The following DYNC1LI2 variants were observed in gnomAD, a reference collection of about 807,000 sequenced individuals.
DYNC1LI2 encodes the protein cytoplasmic dynein 1 light intermediate chain 2.
In DYNC1LI2, 19 loss-of-function variants were observed where a neutral mutation model predicts 57.8. The ratio of observed to expected loss-of-function variants is 0.33; its 90% CI spans 0.23 to 0.48. DYNC1LI2 has a LOEUF of 0.48. Ranked by LOEUF, DYNC1LI2 falls within the 20% of genes least tolerant of loss-of-function variation. DYNC1LI2 has a pLI of 0.99. For missense variants in DYNC1LI2, 470 were observed against 604.2 expected (o/e 0.78, Z 2.33); for synonymous variants, 256 against 233.4 (o/e 1.10, Z -0.88).
At chr16:66,727,254 G>A (rs999007683) in intron 11 of DYNC1LI2, among the ~76,000 whole-genome samples, 1 of 152,152 alleles carries the variant, frequency 6.6e-6, no homozygotes, top group Non-Finnish European at 1.5e-5. Context: ...GGGCATGGTG[G>A]CACACGCCTA....
intron 4 of DYNC1LI2, among the ~76,000 whole-genome samples, chr16:66,738,036 A>G (rs535835023): frequency 3.3e-5 from 5 of 152,296 alleles, no homozygotes; most frequent in African/African-American, 1.2e-4. Context: ...GACCTAGAGA[A>G]AGGTCCTACC....
chr16:66,734,288 C>T lies in DYNC1LI2; in HGVS notation c.723G>A (p.Glu241=), dbSNP rs2017691551. The T allele has an allele frequency of 6.2e-7, 1 of 1,614,180 alleles. No individual in the cohort carries two copies. The highest frequency in any genetic ancestry group is 1.7e-4 in the Middle Eastern group (1 of 6,060). Residue 241 remains glutamate, a synonymous_variant, in exon 6 of 13, where the codon GAG becomes GAA. Transcript: ENST00000258198. ...CTKCDAVSVL[E]KEHDYRDEHL... ...GCTCATCCCTGTAATCGTGCTCCTT[C>T]TCCAGGACACTCACCGCATCACACT...
Position 66,722,147 on chromosome 16 carries a change from G to A in DYNC1LI2, c.*1575C>T, listed in dbSNP as rs535430594. ...TCCTTAACAGTGTTCAGACCTTTAC[G>A]AAAGCAATTCAAGAAAGTCTTCAAA... On this transcript the variant is annotated 3_prime_UTR_variant, in exon 13 of 13. Coordinates refer to ENST00000258198, the MANE Select transcript of DYNC1LI2 (RefSeq NM_006141.3). The A allele has an allele frequency of 1.3e-5, 2 of 152,568 alleles. No homozygotes were observed. Among genetic ancestry groups the A allele is most frequent in the African/African-American group, 4.8e-5 (2 of 41,424 alleles). The allele number at this position is 152,568 out of a possible 1,614,324, so 9.5% of individuals were successfully genotyped here.
At chr16:66,726,963 C>G (rs1027360790) in intron 11 of DYNC1LI2, among the ~76,000 whole-genome samples, 8 of 151,940 alleles carry the variant, frequency 5.3e-5, no homozygotes, top group Non-Finnish European at 1.2e-4. Context: ...GTCACCCTGG[C>G]TGGAGCATGG....
intron 7 of DYNC1LI2, 128 bp from the exon 8 acceptor site, chr16:66,730,351 TTG>T (rs1301732466): frequency 6.0e-5 from 46 of 769,836 alleles, no homozygotes; most frequent in Non-Finnish European, 1.2e-5. Flanking sequence ...TGGGGGTTGT[TTG>T]TAGCTTTTGG....
rs1268799139 is a variant in DYNC1LI2 at position 66,721,264 on chromosome 16, C to T, written c.*2458G>A. ...AACAATCTAGCAGCATTATCTGTTG[C>T]ATTTTTAGGAAAGACCAATTCTTGG... On this transcript the variant is annotated 3_prime_UTR_variant, in exon 13 of 13. Transcript: ENST00000258198. 1 of 152,294 alleles carries T rather than the reference C, an allele frequency of 6.6e-6. No individual in the cohort carries two copies. The highest frequency in any genetic ancestry group is 1.9e-4 in the East Asian group (1 of 5,198). The allele number at this position is 152,294 out of a possible 1,614,324, so 9.4% of individuals were successfully genotyped here. A position where few individuals can be genotyped will look rare whatever the true frequency, so the allele number is the denominator to read the frequency against.
chr16:66,745,315 T>C (rs1431778155), intron 3 of DYNC1LI2, among the ~76,000 whole-genome samples: 1 of 152,110 alleles, frequency 6.6e-6, no homozygotes, highest in Non-Finnish European at 1.5e-5. Flanking sequence ...TGGAGTGTAG[T>C]GGTGTGGTGT....
chr16:66,732,271 G>C (rs1183984011), intron 7 of DYNC1LI2, 68 bp downstream of exon 7: 7 of 1,570,146 alleles, frequency 4.5e-6, no homozygotes, highest in South Asian at 2.4e-5. Flanking sequence ...TCCTTGAAGG[G>C]GTAAAATGTA....
In DYNC1LI2 at chr16:66,751,505, C is replaced by A; in HGVS notation, c.87G>T (p.Glu29Asp). ...CTCACCATAGGCTCTGGCCTTCCTC[C>A]TCCTCACTGGTCAGGTCGCCGGCGG... ...VAAAGDLTSE[E>D]EEGQSLWSSI... The change falls in exon 1 of 13, where the codon GAG becomes GAT. Residue 29 changes from glutamate (E) to aspartate (D), a missense_variant. By Grantham distance (45) the Glu-to-Asp change is conservative (BLOSUM62 2). Coordinates refer to ENST00000258198, the MANE Select transcript of DYNC1LI2 (RefSeq NM_006141.3). The surrounding 1 kb of genome is among the most constrained non-coding windows in gnomAD (Gnocchi z 5.2). 3.1e-6 allele frequency: 5 copies of A among 1,589,862 alleles called. No individual in the cohort carries two copies. The highest frequency in any genetic ancestry group is 4.3e-6 in the Non-Finnish European group (5 of 1,170,646).
chr16:66,751,313 G>A lies in DYNC1LI2; in HGVS notation c.141C>T (p.Ala47=), dbSNP rs1163176582. Residue 47 remains alanine (A), a synonymous_variant, in exon 2 of 13, where the codon GCC becomes GCT. Coordinates refer to ENST00000258198, the MANE Select transcript of DYNC1LI2 (RefSeq NM_006141.3). The surrounding 1 kb of genome is among the most constrained non-coding windows in gnomAD (Gnocchi z 5.2). ...SSILSEVSTR[A]RSKLPSGKNI... ...TCTTGCCGGACGGCAGCTTGGACCT[G>A]GCGCGGGTGGACACTTCGCTCAGAA... 6.2e-7 allele frequency: 1 copy of A among 1,612,358 alleles called. No homozygotes were observed. Among genetic ancestry groups the A allele is most frequent in the Admixed American group, 1.7e-5 (1 of 59,966 alleles).
intron 4 of DYNC1LI2, among the ~76,000 whole-genome samples, chr16:66,741,533 G>A (rs532735599): frequency 2.6e-5 from 4 of 152,306 alleles, no homozygotes; most frequent in South Asian, 2.1e-4. Flanking sequence ...TTTAAAAAGC[G>A]CATCAAAATT....
intron 4 of DYNC1LI2, among the ~76,000 whole-genome samples, chr16:66,737,394 C>T (rs980981858): frequency 6.7e-6 from 1 of 149,948 alleles, no homozygotes; most frequent in Admixed American, 6.7e-5. Flanking sequence ...TGTGGCAGCA[C>T]GTGCCTGTAA....
At chr16:66,723,888 G>T in intron 12 of DYNC1LI2, 66 bp from the exon 13 acceptor site, 1 of 1,384,032 alleles carries the variant, frequency 7.2e-7, no homozygotes. Context: ...TTTTTTTAAA[G>T]GAGCATTTAA....
At chr16:66,737,676 T>G (rs1036934591) in intron 4 of DYNC1LI2, among the ~76,000 whole-genome samples, 2 of 152,200 alleles carry the variant, frequency 1.3e-5, no homozygotes, top group African/African-American at 2.4e-5. Flanking sequence ...AAGTCACTTG[T>G]GCAGTGTTCA....
chr16:66,723,870 G>C, intron 12 of DYNC1LI2, 48 bp from the exon 13 acceptor site: 1 of 1,514,192 alleles, frequency 6.6e-7, no homozygotes. Context: ...GTGAGAAGAG[G>C]AAACAATTTT....
Position 66,742,673 on chromosome 16 carries a change from G to T in DYNC1LI2, c.299-5C>A. 1 of 1,613,274 alleles carries T rather than the reference G, an allele frequency of 6.2e-7. No individual in the cohort carries two copies. The highest frequency in any genetic ancestry group is 8.5e-7 in the Non-Finnish European group (1 of 1,179,510). ...ACACGTTGCAGCGCGTGTGATCTGAGAAAACAAGTGAATGAAGCTAGTTAC... is the reference window on the plus strand; with the variant it reads ...ACACGTTGCAGCGCGTGTGATCTGATAAAACAAGTGAATGAAGCTAGTTAC... On this transcript the variant is annotated splice_polypyrimidine_tract_variant and splice_region_variant and intron_variant, in intron 3 of 12. Transcript: ENST00000258198.
At chr16:66,750,368 A>G (rs2018021879) in intron 2 of DYNC1LI2, among the ~76,000 whole-genome samples, 1 of 152,022 alleles carries the variant, frequency 6.6e-6, no homozygotes, top group Non-Finnish European at 1.5e-5. Context: ...AAATCAGAGA[A>G]CTTCAGGAAA....
Position 66,742,453 on chromosome 16 carries a change from C to G in DYNC1LI2, c.514G>C (p.Glu172Gln). The G allele has an allele frequency of 6.2e-7, 1 of 1,613,958 alleles. No homozygotes were observed. The highest frequency in any genetic ancestry group is 8.5e-7 in the Non-Finnish European group (1 of 1,179,876). The change falls in exon 4 of 13, where the codon GAG becomes CAG. Residue 172 changes from glutamate (E) to glutamine (Q), a missense_variant. Coordinates refer to ENST00000258198, the MANE Select transcript of DYNC1LI2 (RefSeq NM_006141.3). Reference protein sequence around the residue: ...KMKIPPEKMRELERKFVKDFQ... With the variant: ...KMKIPPEKMRQLERKFVKDFQ... The stretch of plus-strand genomic sequence containing the variant: ...TTTTACTCACACTTCCGTTCCAGCT[C>G]CCTCATTTTTTCTGGTGGAATTTTC...
At chr16:66,749,120 G>T in intron 3 of DYNC1LI2, 77 bp downstream of exon 3, 1 of 1,381,652 alleles carries the variant, frequency 7.2e-7, no homozygotes. Context: ...GCCTGGCCAT[G>T]CTGCAGGAAC....
Sources: gnomAD v4.1 joint callset for allele counts (sites outside exome capture counted in the v4.1 genomes callset) on GRCh38, gnomAD v4.1.1 for gene constraint, Gnocchi (gnomAD v3.1) non-coding constraint, MANE v1.5 for transcripts, NCBI Gene and HGNC (gene_info 2026-07-23, HGNC 2026-07-21) for gene names.